The following CSMD1 variants were observed in gnomAD, a reference collection of about 807,000 sequenced individuals.
CSMD1 encodes the protein CUB and Sushi multiple domains 1.
A neutral mutation model predicts 417.5 loss-of-function variants in CSMD1; 213 were observed. The ratio of observed to expected loss-of-function variants is 0.51; its 90% confidence interval spans 0.46 to 0.57. CSMD1 has a LOEUF of 0.57. Among genes scored for constraint, CSMD1 ranks in the 20% least tolerant of loss-of-function variants. CSMD1 has a pLI of 0.00. For synonymous variants in CSMD1, 2,862 were observed against 1,736.8 expected (o/e 1.65, Z -16.11); for missense variants, 6,923 against 4,529.7 (o/e 1.53, Z -15.17).
At chr8:4,195,585 G>C (rs1263288326) in intron 3 of CSMD1, among the ~76,000 whole-genome samples, 1 of 152,132 alleles carries the variant, frequency 6.6e-6, no homozygotes, top group Non-Finnish European at 1.5e-5. Flanking sequence ...GGTGAGCGTT[G>C]TCACTGTCAT....
chr8:3,068,729 T>G (rs765396781), intron 49 of CSMD1, among the ~76,000 whole-genome samples: 1 of 152,036 alleles, frequency 6.6e-6, no homozygotes, highest in Admixed American at 6.6e-5. Flanking sequence ...CACACACTTT[T>G]AACTGAACAG....
chr8:3,785,141 T>C (rs190283086), intron 5 of CSMD1, among the ~76,000 whole-genome samples: 198 of 152,322 alleles, frequency 1.3e-3, no homozygotes, highest in Middle Eastern at 3.4e-3. Context: ...GGGTAAGTTC[T>C]TTAACTTCTC....
At chr8:4,984,284 A>T (rs78899944) in intron 1 of CSMD1, among the ~76,000 whole-genome samples, 2,607 of 152,326 alleles carry the variant, frequency 0.017, 66 homozygotes, top group African/African-American at 0.059. Context: ...ATGTTCAAAC[A>T]AACATATGAC....
intron 51 of CSMD1, among the ~76,000 whole-genome samples, chr8:3,021,559 C>G (rs185601185): frequency 1.3e-5 from 2 of 152,216 alleles, no homozygotes; most frequent in African/African-American, 4.8e-5. Context: ...GCTCACAGTC[C>G]GCAGTGCTTC....
intron 5 of CSMD1, among the ~76,000 whole-genome samples, chr8:3,864,219 G>A (rs1488857809): frequency 2.0e-5 from 3 of 152,114 alleles, no homozygotes; most frequent in African/African-American, 7.2e-5. Context: ...AATACTCCTT[G>A]CTCATACAAA....
intron 1 of CSMD1, among the ~76,000 whole-genome samples, chr8:4,800,770 A>G (rs7014556): frequency 0.81 from 123,082 of 152,150 alleles, 52,364 homozygotes; most frequent in East Asian, 0.96. Context: ...CTTTTGGGTG[A>G]GACACCACCT....
intron 29 of CSMD1, among the ~76,000 whole-genome samples, chr8:3,216,159 T>G (rs1357252250): frequency 6.6e-6 from 1 of 151,838 alleles, no homozygotes. Context: ...TGCTCTCTAA[T>G]TGCTTTGTTG....
At chr8:3,458,083 T>A (rs926890864) in intron 12 of CSMD1, among the ~76,000 whole-genome samples, 1 of 152,208 alleles carries the variant, frequency 6.6e-6, no homozygotes, top group Non-Finnish European at 1.5e-5. Flanking sequence ...CCCAGGAAGT[T>A]TGCTCTAACG....
At chr8:4,328,924 T>C (rs1799708820) in intron 3 of CSMD1, among the ~76,000 whole-genome samples, 1 of 152,356 alleles carries the variant, frequency 6.6e-6, no homozygotes, top group Non-Finnish European at 1.5e-5. Flanking sequence ...GTTGTTTGCA[T>C]TCGCTGTTTT....
intron 5 of CSMD1, among the ~76,000 whole-genome samples, chr8:3,916,951 C>G (rs138040564): frequency 6.6e-6 from 1 of 152,112 alleles, no homozygotes; most frequent in Non-Finnish European, 1.5e-5. Context: ...GCTGCTCCTT[C>G]TCCTCCAATT....
At chr8:3,910,400 C>G (rs1266518271) in intron 5 of CSMD1, among the ~76,000 whole-genome samples, 1 of 152,100 alleles carries the variant, frequency 6.6e-6, no homozygotes, top group Non-Finnish European at 1.5e-5. Flanking sequence ...AAGATGCTGC[C>G]CTGTCTGCCG....
intron 7 of CSMD1, among the ~76,000 whole-genome samples, chr8:3,668,007 C>T (rs982597341): frequency 6.6e-6 from 1 of 152,148 alleles, no homozygotes; most frequent in Non-Finnish European, 1.5e-5. Context: ...TGTCTGTGCG[C>T]CTCAGAGCAA....
intron 3 of CSMD1, among the ~76,000 whole-genome samples, chr8:4,229,997 A>G (rs1480427382): frequency 1.3e-5 from 2 of 152,224 alleles, no homozygotes; most frequent in East Asian, 3.8e-4. Context: ...TAAGTCTGTA[A>G]TAAATGCATA....
intron 2 of CSMD1, among the ~76,000 whole-genome samples, chr8:4,546,774 G>A (rs1298355852): frequency 2.0e-5 from 3 of 151,624 alleles, no homozygotes; most frequent in Non-Finnish European, 2.9e-5. Flanking sequence ...AATTATACAT[G>A]CTACATATAA....
chr8:4,490,700 C>T (rs2130207266), intron 2 of CSMD1, among the ~76,000 whole-genome samples: 1 of 152,266 alleles, frequency 6.6e-6, no homozygotes, highest in Admixed American at 6.5e-5. Flanking sequence ...AGACTCTTAA[C>T]TTCAGGTGCA....
chr8:4,371,530 C>T (rs992762298), intron 3 of CSMD1, among the ~76,000 whole-genome samples: 5 of 152,106 alleles, frequency 3.3e-5, no homozygotes, highest in African/African-American at 9.7e-5. Context: ...TGCAAAGAGA[C>T]AATATCGTTA....
At chr8:3,587,237 C>A (rs1437097460) in intron 8 of CSMD1, among the ~76,000 whole-genome samples, 1 of 152,230 alleles carries the variant, frequency 6.6e-6, no homozygotes, top group Admixed American at 6.5e-5. Context: ...AACTGGACAG[C>A]TGCATTCAAA....
chr8:3,446,331 AG>A (rs1815306295), intron 12 of CSMD1, among the ~76,000 whole-genome samples: 1 of 152,248 alleles, frequency 6.6e-6, no homozygotes, highest in Non-Finnish European at 1.5e-5. Flanking sequence ...CCATCAGGCA[AG>A]TCACAAATTT....
chr8:4,186,306 G>A (rs1354970748), intron 3 of CSMD1, among the ~76,000 whole-genome samples: 1 of 152,068 alleles, frequency 6.6e-6, no homozygotes, highest in African/African-American at 2.4e-5. Flanking sequence ...AAGGTTGGGG[G>A]CAGTCAGCTT....
Sources: allele counts gnomAD v4.1 joint callset (sites outside exome capture counted in the v4.1 genomes callset), GRCh38; gene constraint gnomAD v4.1.1; transcripts MANE v1.5; gene names NCBI Gene and HGNC (gene_info 2026-07-23, HGNC 2026-07-21).